The following RBFOX1 variants were observed in gnomAD, a reference collection of about 807,000 sequenced individuals.
The protein encoded by RBFOX1 is RNA binding protein fox-1 homolog 1.
In RBFOX1, 8 loss-of-function variants were observed where a neutral mutation model predicts 57.7. The ratio of observed to expected loss-of-function variants is 0.14; its 90% CI spans 0.08 to 0.25. RBFOX1 has a LOEUF of 0.25. Among genes scored for constraint, RBFOX1 ranks in the 10% least tolerant of loss-of-function variants. The pLI is 1.00. For missense variants in RBFOX1, 611 were observed against 548.5 expected, an observed-to-expected ratio of 1.11 and a Z score of -1.14; for synonymous variants, 326 against 222.4, an observed-to-expected ratio of 1.47 and a Z score of -4.15.
At chr16:5,994,595 T>A (rs972035760) in intron 4 of RBFOX1, among the ~76,000 whole-genome samples, 16 of 152,228 alleles carry the variant, frequency 1.1e-4, no homozygotes, top group African/African-American at 3.1e-4. Context: ...TATTTCTGGC[T>A]GTGTAGGTCC....
At chr16:6,755,314 C>T (rs537230700) in intron 3 of RBFOX1, among the ~76,000 whole-genome samples, 2 of 152,156 alleles carry the variant, frequency 1.3e-5, no homozygotes, top group East Asian at 3.9e-4. Flanking sequence ...TTTACAGTCC[C>T]ACCAACAGTG....
intron 13 of RBFOX1, among the ~76,000 whole-genome samples, chr16:7,670,710 A>T (rs970138852): frequency 6.6e-6 from 1 of 152,230 alleles, no homozygotes; most frequent in African/African-American, 2.4e-5. Flanking sequence ...CTATGTAGGA[A>T]AAAGTATACA....
chr16:6,961,871 G>A (rs1598462250), intron 3 of RBFOX1, among the ~76,000 whole-genome samples: 1 of 152,132 alleles, frequency 6.6e-6, no homozygotes, highest in Non-Finnish European at 1.5e-5. Flanking sequence ...CCTGGTTTGG[G>A]TGGGTTTTAG....
chr16:6,725,867 A>G (rs1164221703), intron 3 of RBFOX1, among the ~76,000 whole-genome samples: 1 of 152,110 alleles, frequency 6.6e-6, no homozygotes, highest in Non-Finnish European at 1.5e-5. Flanking sequence ...AGTGTTTCTC[A>G]TTTGATTTAT....
At chr16:5,995,305 C>G (rs546215279) in intron 4 of RBFOX1, among the ~76,000 whole-genome samples, 32 of 152,140 alleles carry the variant, frequency 2.1e-4, no homozygotes, top group Middle Eastern at 3.4e-3. Context: ...TCTTAGAGCC[C>G]AAATCCACAT....
intron 2 of RBFOX1, among the ~76,000 whole-genome samples, chr16:6,449,635 A>G (rs2094551008): frequency 1.3e-5 from 2 of 152,212 alleles, no homozygotes; most frequent in African/African-American, 4.8e-5. Context: ...AGGAAAAGTC[A>G]TCTTGTCTTT....
At chr16:5,674,930 C>T (rs75854445) in intron 3 of RBFOX1, among the ~76,000 whole-genome samples, 16,822 of 152,040 alleles carry the variant, frequency 0.11, 1,338 homozygotes, top group East Asian at 0.32. Flanking sequence ...GAGGATTGCT[C>T]GATCCCAGGA....
At chr16:6,912,625 T>G (rs1352018267) in intron 3 of RBFOX1, among the ~76,000 whole-genome samples, 2 of 8,592 alleles carry the variant, frequency 2.3e-4, no homozygotes, top group Non-Finnish European at 4.9e-4. Context: ...GTTATTACTA[T>G]TTTTTTTTTT....
intron 4 of RBFOX1, among the ~76,000 whole-genome samples, chr16:7,517,289 C>T (rs973669975): frequency 6.6e-6 from 1 of 151,526 alleles, no homozygotes; most frequent in African/African-American, 2.4e-5. Context: ...TAAAATTCTT[C>T]TGAGTTGGCT....
At chr16:7,063,405 C>T (rs1055465297) in intron 4 of RBFOX1, among the ~76,000 whole-genome samples, 2 of 152,102 alleles carry the variant, frequency 1.3e-5, no homozygotes, top group East Asian at 1.9e-4. Context: ...CATCACATGT[C>T]TCTCTGCCAA....
intron 3 of RBFOX1, among the ~76,000 whole-genome samples, chr16:6,824,437 A>G (rs572664024): frequency 1.3e-5 from 2 of 152,224 alleles, no homozygotes; most frequent in East Asian, 1.9e-4. Flanking sequence ...CTTACTGTCA[A>G]GGCAACTCAA....
In RBFOX1 at chr16:6,936,576, C is replaced by G. The variant is rs141710314; in HGVS notation, c.-15-115481C>G. On this transcript the variant is annotated intron_variant, in intron 3 of 15. Transcript: ENST00000550418. The stretch of plus-strand genomic sequence containing the variant: ...CATTTTTTTCATTGCTTAATTGTTT[C>G]CTGTATATGCCAGCCTAAGCACTTG... 9.2e-5 allele frequency among the ~76,000 whole-genome samples: 14 copies of G among 152,090 alleles called. No individual in the cohort carries two copies. In the East Asian group the frequency reaches 2.7e-3, roughly 30 times the overall value.
At chr16:7,679,840 CCAAAAGAA>C (rs1315582139) in intron 14 of RBFOX1, among the ~76,000 whole-genome samples, 1 of 151,890 alleles carries the variant, frequency 6.6e-6, no homozygotes, top group Non-Finnish European at 1.5e-5. Flanking sequence ...AGAGATTTCC[CCAAAAGAA>C]AAATACCTGA....
intron 3 of RBFOX1, among the ~76,000 whole-genome samples, chr16:5,680,106 A>T (rs2050286670): frequency 6.6e-6 from 1 of 152,208 alleles, no homozygotes. Context: ...GCGTCAGAAG[A>T]GGGACATCAT....
At chr16:5,718,675 G>A (rs2051809229) in intron 3 of RBFOX1, among the ~76,000 whole-genome samples, 1 of 152,196 alleles carries the variant, frequency 6.6e-6, no homozygotes, top group African/African-American at 2.4e-5. Context: ...GGGAGGCCAA[G>A]GCAGGTGGAT....
chr16:6,915,428 G>C (rs116836546), intron 3 of RBFOX1, among the ~76,000 whole-genome samples: 1,624 of 152,114 alleles, frequency 0.011, 34 homozygotes, highest in African/African-American at 0.036. Flanking sequence ...CACGTAGCCC[G>C]TTTTCTTATT....
chr16:5,328,675 C>T (rs914920636), intron 1 of RBFOX1, among the ~76,000 whole-genome samples: 19 of 152,202 alleles, frequency 1.2e-4, no homozygotes, highest in Admixed American at 3.3e-4. Flanking sequence ...CTGCCATACC[C>T]TTTTTGGTCC....
chr16:6,674,843 T>G (rs2057341228), intron 3 of RBFOX1, among the ~76,000 whole-genome samples: 1 of 152,192 alleles, frequency 6.6e-6, no homozygotes, highest in Admixed American at 6.5e-5. Flanking sequence ...TTCAGACTTC[T>G]AGCTTCCAGA....
chr16:5,938,273 T>C (rs1398889351), intron 4 of RBFOX1, among the ~76,000 whole-genome samples: 1 of 152,178 alleles, frequency 6.6e-6, no homozygotes, highest in African/African-American at 2.4e-5. Flanking sequence ...AACTACTAAC[T>C]GTCCCATGAC....
Sources: allele counts gnomAD v4.1 joint callset (sites outside exome capture counted in the v4.1 genomes callset), GRCh38; gene constraint gnomAD v4.1.1; transcripts MANE v1.5; gene names NCBI Gene and HGNC (gene_info 2026-07-23, HGNC 2026-07-21).